UBE3C: variants seen among roughly 807,000 people sequenced by gnomAD.
UBE3C encodes ubiquitin protein ligase E3C, also known as ubiquitin-protein ligase E3C.
In UBE3C, 42 loss-of-function variants were observed where a neutral mutation model predicts 129.4. The observed-to-expected ratio is 0.32, with a 90% confidence interval of 0.25 to 0.42. The LOEUF is 0.42. Among genes scored for constraint, UBE3C ranks in the 10% least tolerant of loss-of-function variants. UBE3C has a pLI of 1.00. For missense variants in UBE3C, 1,049 were observed against 1,319.1 expected (o/e 0.80, Z 3.17); for synonymous variants, 510 against 492.4 (o/e 1.04, Z -0.47).
At chr7:157,181,983 T>G (rs1251749911) in intron 7 of UBE3C, 125 bp from the exon 8 acceptor site, 2 of 1,042,080 alleles carry the variant, frequency 1.9e-6, no homozygotes, top group Non-Finnish European at 2.7e-6. Context: ...TTAAAATGGT[T>G]AACTTGGCTA....
chr7:157,242,518 T>TTTG (rs1796360612), intron 18 of UBE3C, among the ~76,000 whole-genome samples: 2 of 145,952 alleles, frequency 1.4e-5, no homozygotes, highest in East Asian at 2.0e-4. Flanking sequence ...TGAGTTGTTT[T>TTTG]TTTTTTTTTT....
intron 8 of UBE3C, among the ~76,000 whole-genome samples, chr7:157,183,398 T>C (rs1808720899): frequency 6.6e-6 from 1 of 152,152 alleles, no homozygotes; most frequent in Non-Finnish European, 1.5e-5. Flanking sequence ...ATGGGGAGCT[T>C]CCATGCCTTC....
chr7:157,219,051 C>G (rs1243416450), intron 14 of UBE3C, among the ~76,000 whole-genome samples: 1 of 152,146 alleles, frequency 6.6e-6, no homozygotes, highest in Non-Finnish European at 1.5e-5. Flanking sequence ...GCCAATACTA[C>G]ATGAAAAGGA....
Position 157,248,366 on chromosome 7 carries a change from A to G in UBE3C, c.2482-2A>G. 6.2e-7 allele frequency: 1 copy of G among 1,612,054 alleles called. No homozygotes were observed. The highest frequency in any genetic ancestry group is 1.1e-5 in the South Asian group (1 of 90,818). On this transcript the variant is annotated splice_acceptor_variant, in intron 18 of 22. Transcript: ENST00000348165. LOFTEE classifies it high-confidence loss of function. ...TAACGTTGTCACTGTTCTCTTTTGAAGGCTCTCTATGAGAACATGCTGGTG... is the reference window on the plus strand; with the variant it reads ...TAACGTTGTCACTGTTCTCTTTTGAGGGCTCTCTATGAGAACATGCTGGTG...
chr7:157,181,156 A>T (rs1808655427), intron 6 of UBE3C, among the ~76,000 whole-genome samples: 1 of 152,252 alleles, frequency 6.6e-6, no homozygotes, highest in South Asian at 2.1e-4. Flanking sequence ...AGACAGTTGG[A>T]GACTTGAATA....
chr7:157,204,219 T>G (rs2116996431), intron 11 of UBE3C, among the ~76,000 whole-genome samples: 1 of 152,148 alleles, frequency 6.6e-6, no homozygotes, highest in East Asian at 1.9e-4. Context: ...ATAACTGATT[T>G]TCTGAAACTG....
Position 157,169,158 on chromosome 7 carries a change from A to G in UBE3C, c.195+36A>G, listed in dbSNP as rs757194277. ...TTTAAAATGAGGAGATTAGTAGGGC[A>G]TGGGAGAGCTTATTTTAAATATGGT... On this transcript the variant is annotated intron_variant, in intron 3 of 22. Transcript: ENST00000348165. The G allele has an allele frequency of 1.1e-5, 17 of 1,537,850 alleles. No homozygotes were observed. The Admixed American group carries it at 2.2e-4, about 20-fold the overall frequency.
rs1379734015 is a variant in UBE3C at position 157,207,751 on chromosome 7, T to C, written c.1625T>C (p.Leu542Pro). The C allele has an allele frequency of 6.2e-7, 1 of 1,614,028 alleles. No individual in the cohort carries two copies. The highest frequency in any genetic ancestry group is 8.5e-7 in the Non-Finnish European group (1 of 1,180,034). ...SSMMPFTLEE[L>P]IMLSRCLRDA... Reference sequence around the variant, plus strand: ...ATGATGCCTTTTACTTTAGAAGAGCTGATAATGTTGTCTCGATGCCTTCGA... The same window carrying C: ...ATGATGCCTTTTACTTTAGAAGAGCCGATAATGTTGTCTCGATGCCTTCGA... The change falls in exon 13 of 23, where the codon CTG becomes CCG. Residue 542 changes from leucine to proline, a missense_variant. By Grantham distance (98) the Leu-to-Pro change is moderately conservative. Around this residue, in one of 4 missense-constraint regions of UBE3C, gnomAD observed 314 missense variants for 416.9 expected, o/e 0.75. Transcript: ENST00000348165.
At chr7:157,143,010 G>A (rs1807499522) in intron 1 of UBE3C, among the ~76,000 whole-genome samples, 2 of 152,052 alleles carry the variant, frequency 1.3e-5, no homozygotes, top group Non-Finnish European at 2.9e-5. Context: ...TGGGATTACA[G>A]GCCTGCACCA....
At chr7:157,253,448 C>T (rs866062645) in intron 19 of UBE3C, among the ~76,000 whole-genome samples, 1 of 152,228 alleles carries the variant, frequency 6.6e-6, no homozygotes, top group East Asian at 1.9e-4. Flanking sequence ...TATCACTGAT[C>T]GTTACCACCA....
rs1797117735 is a variant in UBE3C at position 157,267,690 on chromosome 7, G to A, written c.3187G>A (p.Glu1063Lys). The A allele has an allele frequency of 4.3e-6, 7 of 1,613,602 alleles. No homozygotes were observed. Among genetic ancestry groups the A allele is most frequent in the South Asian group, 2.2e-5 (2 of 90,974 alleles). Residue 1063 changes from glutamate (E) to lysine (K), a missense_variant, in exon 23 of 23, where the codon GAG becomes AAG. Around this residue, in one of 4 missense-constraint regions of UBE3C, gnomAD observed 243 missense variants for 368.7 expected, o/e 0.66. Coordinates refer to ENST00000348165, the MANE Select transcript of UBE3C (RefSeq NM_014671.3). ...NLLKLPEFYD[E>K]TLLRSKLLYA... ...GCTGAAGCTCCCCGAGTTCTATGAC[G>A]AGACACTTTTGCGAAGTAAACTTCT...
intron 14 of UBE3C, among the ~76,000 whole-genome samples, chr7:157,220,126 G>C (rs907182862): frequency 6.6e-6 from 1 of 152,106 alleles, no homozygotes. Context: ...TGGGAGGATC[G>C]CTTGAAACCA....
At chr7:157,239,225 A>G (rs969238995) in intron 18 of UBE3C, among the ~76,000 whole-genome samples, 1 of 152,252 alleles carries the variant, frequency 6.6e-6, no homozygotes. Flanking sequence ...AAGCATAATG[A>G]TAATAAATAA....
chr7:157,221,901 C>T (rs951534793), intron 15 of UBE3C: 1 of 152,106 alleles, frequency 6.6e-6, no homozygotes, highest in African/African-American at 2.4e-5. Context: ...GACAGGGTCT[C>T]ACTGTGTGCT....
In UBE3C at chr7:157,268,739, G is replaced by A. The variant is rs541873938; in HGVS notation, c.*984G>A. Reference sequence around the variant, plus strand: ...CTGCTTCCTGGTGCTGCTCTGACTCGAAGACGGGACAGTCCCTGGTGCACA... The same window carrying A: ...CTGCTTCCTGGTGCTGCTCTGACTCAAAGACGGGACAGTCCCTGGTGCACA... On this transcript the variant is annotated 3_prime_UTR_variant, in exon 23 of 23. Transcript: ENST00000348165. 5.2e-5 allele frequency: 8 copies of A among 152,806 alleles called. No homozygotes were observed. Among genetic ancestry groups the A allele is most frequent in the Non-Finnish European group, 7.3e-5 (5 of 68,066 alleles). 9.5% of individuals were successfully genotyped at this position (152,806 alleles called of 1,614,324 possible). A position where few individuals can be genotyped will look rare whatever the true frequency, so the allele number is the denominator to read the frequency against.
At chr7:157,257,916 A>T (rs1318274614) in intron 22 of UBE3C, among the ~76,000 whole-genome samples, 3 of 150,802 alleles carry the variant, frequency 2.0e-5, no homozygotes, top group Non-Finnish European at 4.4e-5. Context: ...ATGAAACTTC[A>T]TAGGCATTCA....
At chr7:157,145,785 G>A (rs1807588218) in intron 1 of UBE3C, among the ~76,000 whole-genome samples, 1 of 151,898 alleles carries the variant, frequency 6.6e-6, no homozygotes. Flanking sequence ...GTGGTTTACG[G>A]TTTACAGAAT....
intron 22 of UBE3C, among the ~76,000 whole-genome samples, chr7:157,265,794 G>A (rs1797061777): frequency 6.6e-6 from 1 of 152,178 alleles, no homozygotes; most frequent in Non-Finnish European, 1.5e-5. Context: ...GGTTGCCAGT[G>A]GGAATGGGAA....
intron 12 of UBE3C, 25 bp from the exon 13 acceptor site, chr7:157,207,678 T>G (rs751009444): frequency 6.2e-7 from 1 of 1,603,640 alleles, no homozygotes; most frequent in Non-Finnish European, 8.5e-7. Context: ...AAAGAAACAA[T>G]AGAAAACTGG....
Sources: gnomAD v4.1 joint callset for allele counts (sites outside exome capture counted in the v4.1 genomes callset) on GRCh38, gnomAD v4.1.1 for gene constraint, gnomAD v4.1.1 regional missense constraint, MANE v1.5 for transcripts, NCBI Gene and HGNC (gene_info 2026-07-23, HGNC 2026-07-21) for gene names.